Variants in CSMD2 observed in about 807,000 individuals in gnomAD.
CSMD2 encodes the protein CUB and sushi domain-containing protein 2.
CSMD2 carries 130 observed loss-of-function variants against 398.5 expected under a neutral mutation model. That is an observed-to-expected ratio of 0.33 (90% confidence interval 0.28 to 0.38). The LOEUF is 0.38. Among genes scored for constraint, CSMD2 ranks in the 10% least tolerant of loss-of-function variants. The pLI is 1.00. For synonymous variants in CSMD2, 1,828 were observed against 1,908.5 expected, an observed-to-expected ratio of 0.96 and a Z score of 1.10; for missense variants, 3,829 against 4,764.9, an observed-to-expected ratio of 0.80 and a Z score of 5.78.
At chr1:34,130,430 G>A (rs7533827) in intron 1 of CSMD2, among the ~76,000 whole-genome samples, 140,500 of 144,286 alleles carry the variant, frequency 0.97, 68,485 homozygotes, top group Non-Finnish European at 1. Context: ...TTTCCAGTAA[G>A]AGCAAAAAGG....
chr1:33,577,683 GAAACA>G (rs1427524318), intron 48 of CSMD2, among the ~76,000 whole-genome samples, 199 bp from the exon 49 acceptor site: 2 of 151,712 alleles, frequency 1.3e-5, no homozygotes, highest in Non-Finnish European at 2.9e-5. Context: ...CAAAACAACG[GAAACA>G]AAACAAAACA....
chr1:34,086,417 T>A (rs1448395063), intron 2 of CSMD2, among the ~76,000 whole-genome samples: 5 of 152,198 alleles, frequency 3.3e-5, no homozygotes, highest in African/African-American at 1.2e-4. Context: ...GCACGTTAAG[T>A]GCCTTCTCCA....
chr1:33,883,259 T>TA, intron 5 of CSMD2, among the ~76,000 whole-genome samples: 1 of 152,114 alleles, frequency 6.6e-6, no homozygotes, highest in East Asian at 1.9e-4. Context: ...GGCTGCGGAG[T>TA]AAAAAAGACC....
intron 11 of CSMD2, 34 bp from the exon 12 acceptor site, chr1:33,788,746 C>T (rs1653860938): frequency 7.9e-7 from 1 of 1,260,896 alleles, no homozygotes; most frequent in Admixed American, 1.7e-5. Flanking sequence ...GGTGTGCTCT[C>T]CACCATGACA....
chr1:33,891,491 C>T (rs989520676), intron 5 of CSMD2, among the ~76,000 whole-genome samples: 13 of 151,444 alleles, frequency 8.6e-5, no homozygotes, highest in Admixed American at 2.6e-4. Flanking sequence ...GTCAGTGTGG[C>T]GATTCCTCAG....
chr1:33,551,235 G>A (rs1657416351), intron 55 of CSMD2, among the ~76,000 whole-genome samples: 1 of 152,234 alleles, frequency 6.6e-6, no homozygotes, highest in Non-Finnish European at 1.5e-5. Flanking sequence ...GAATGAGCCA[G>A]GACAGAATGG....
intron 3 of CSMD2, among the ~76,000 whole-genome samples, chr1:33,948,670 A>G (rs1644912720): frequency 6.6e-6 from 1 of 152,312 alleles, no homozygotes; most frequent in African/African-American, 2.4e-5. Context: ...TGGATTAATA[A>G]ACTTTTGCAC....
At chr1:33,852,479 A>G (rs1445189883) in intron 5 of CSMD2, among the ~76,000 whole-genome samples, 2 of 152,212 alleles carry the variant, frequency 1.3e-5, no homozygotes, top group South Asian at 2.1e-4. Flanking sequence ...ACCTTTGCAC[A>G]TGCTATTCCC....
In CSMD2 at chr1:33,820,565, CAA is replaced by C. The variant is rs753962666; in HGVS notation, c.1112-11_1112-10del. The stretch of plus-strand genomic sequence containing the variant: ...CACACCAACCTGAGTTACTACAAGG[CAA>C]AAAAAAAAAAAAAAAAAAAAACAGC... On this transcript the variant is annotated splice_polypyrimidine_tract_variant and intron_variant, in intron 7 of 70. Coordinates refer to ENST00000373381, the MANE Select transcript of CSMD2 (RefSeq NM_001281956.2). 50,642 of 430,670 alleles carry C rather than the reference CAA, an allele frequency of 0.12. 242 individuals carry two copies. The highest frequency in any genetic ancestry group is 0.14 in the Middle Eastern group (237 of 1,698). 26.7% of individuals were successfully genotyped at this position (430,670 alleles called of 1,614,324 possible).
intron 5 of CSMD2, among the ~76,000 whole-genome samples, chr1:33,852,635 A>G (rs1638796369): frequency 6.6e-6 from 1 of 152,234 alleles, no homozygotes; most frequent in African/African-American, 2.4e-5. Flanking sequence ...GATCCTGGGC[A>G]TACCAAATTG....
At chr1:33,921,856 A>G (rs1000587104) in intron 4 of CSMD2, among the ~76,000 whole-genome samples, 6 of 152,190 alleles carry the variant, frequency 3.9e-5, no homozygotes, top group Non-Finnish European at 5.9e-5. Flanking sequence ...GATGAAAGAT[A>G]TGGTTTGGTG....
intron 10 of CSMD2, 112 bp downstream of exon 10, chr1:33,810,631 G>A: frequency 1.9e-6 from 2 of 1,063,336 alleles, no homozygotes; most frequent in Non-Finnish European, 2.7e-6. Flanking sequence ...TAAAAGAACT[G>A]TCTGCAGAGA....
chr1:33,946,620 CTTT>C (rs756819198), intron 3 of CSMD2, among the ~76,000 whole-genome samples: 1 of 145,024 alleles, frequency 6.9e-6, no homozygotes. Context: ...CATCTGACAA[CTTT>C]TTTTTTTTTT....
intron 13 of CSMD2, among the ~76,000 whole-genome samples, chr1:33,748,238 G>A (rs1483121677): frequency 6.6e-6 from 1 of 152,122 alleles, no homozygotes; most frequent in African/African-American, 2.4e-5. Flanking sequence ...ATGTTGTATT[G>A]TAATATTTCT....
rs370057224 is a variant in CSMD2, at chr1:33,714,747, G to C, written c.3246C>G (p.Pro1082=). 27 of 1,614,006 alleles carry C rather than the reference G, an allele frequency of 1.7e-5. No individual in the cohort carries two copies. In the African/African-American group the frequency reaches 2.4e-4, roughly 14 times the overall value. Residue 1082 remains proline, a synonymous_variant, in exon 21 of 71, where the codon CCC becomes CCG. Coordinates refer to ENST00000373381, the MANE Select transcript of CSMD2 (RefSeq NM_001281956.2). ...SEYDLEPCEE[P]EVPAYSIRKG... ...TCCGGATGCTGTAGGCTGGGACCTC[G>C]GGCTCCTCACAGGGCTCCAAGTCGT...
rs1195889419 is a variant in CSMD2, at chr1:33,622,228, G to T, written c.5766C>A (p.Leu1922=). The T allele has an allele frequency of 1.9e-6, 3 of 1,614,034 alleles. No homozygotes were observed. Among genetic ancestry groups the T allele is most frequent in the Non-Finnish European group, 2.5e-6 (3 of 1,180,016 alleles). ...PALLNSTSNQ[L]YLHFYSDISV... is the part of the protein sequence containing the mutation. ...TGATATCTGAGTAGAAATGAAGGTA[G>T]AGCTGGTTGGAGGTGCTGTTCAGAA... The change falls in exon 37 of 71, where the codon CTC becomes CTA. Residue 1922 remains leucine, a synonymous_variant. Transcript: ENST00000373381.
At chr1:33,890,626 T>C (rs866856457) in intron 5 of CSMD2, among the ~76,000 whole-genome samples, 3 of 151,992 alleles carry the variant, frequency 2.0e-5, no homozygotes, top group Admixed American at 2.0e-4. Flanking sequence ...GGAGGCATCA[T>C]GCTACCTGAC....
At chr1:34,098,437 A>C (rs1306087250) in intron 1 of CSMD2, among the ~76,000 whole-genome samples, 1 of 150,944 alleles carries the variant, frequency 6.6e-6, no homozygotes, top group East Asian at 1.9e-4. Flanking sequence ...ATAAATAAAT[A>C]AATAAATAAA....
chr1:34,118,640 T>C (rs948975466), intron 1 of CSMD2, among the ~76,000 whole-genome samples: 6 of 152,352 alleles, frequency 3.9e-5, no homozygotes, highest in African/African-American at 1.4e-4. Context: ...ATTTGTTTTG[T>C]TTTTTATCTT....
Sources: allele counts gnomAD v4.1 joint callset (sites outside exome capture counted in the v4.1 genomes callset), GRCh38; gene constraint gnomAD v4.1.1; transcripts MANE v1.5; gene names NCBI Gene and HGNC (gene_info 2026-07-23, HGNC 2026-07-21).